Variants in DNAH14 observed in about 807,000 individuals in gnomAD.
DNAH14 encodes dynein axonemal heavy chain 14.
DNAH14 carries 478 observed loss-of-function variants against 520.9 expected under a neutral mutation model. The observed-to-expected ratio is 0.92, with a 90% CI of 0.85 to 0.99. DNAH14 has a LOEUF of 0.99. DNAH14 is among the 50% of genes least tolerant of loss of function. The pLI, the probability that DNAH14 is intolerant of heterozygous loss-of-function variation, is 0.00. For missense variants in DNAH14, 4,831 were observed against 5,234.5 expected (o/e 0.92, Z 2.38); for synonymous variants, 1,581 against 1,757.2 (o/e 0.90, Z 2.51).
At chr1:225,236,622 G>T (rs892081593) in intron 42 of DNAH14, among the ~76,000 whole-genome samples, 6 of 151,974 alleles carry the variant, frequency 3.9e-5, no homozygotes, top group South Asian at 4.1e-4. Flanking sequence ...GTCAGTGGGG[G>T]TGTTATCTGG....
At chr1:225,363,263 C>T (rs1449543562) in intron 75 of DNAH14, among the ~76,000 whole-genome samples, 1 of 152,058 alleles carries the variant, frequency 6.6e-6, no homozygotes, top group African/African-American at 2.4e-5. Flanking sequence ...TGATTATTTA[C>T]TCATGTTTAG....
At chr1:225,141,895 T>A (rs1442085241) in intron 28 of DNAH14, among the ~76,000 whole-genome samples, 1 of 152,172 alleles carries the variant, frequency 6.6e-6, no homozygotes, top group Non-Finnish European at 1.5e-5. Context: ...CAAGCTCTGA[T>A]AATAAATGTA....
At chr1:225,059,681 T>A (rs1050453201) in intron 17 of DNAH14, among the ~76,000 whole-genome samples, 8 of 152,186 alleles carry the variant, frequency 5.3e-5, no homozygotes, top group Non-Finnish European at 8.8e-5. Flanking sequence ...TTCCTTTCCA[T>A]GTTTAGTGCT....
chr1:225,185,993 G>A (rs78259950), intron 37 of DNAH14, among the ~76,000 whole-genome samples: 3,646 of 69,184 alleles, frequency 0.053, 155 homozygotes, highest in African/African-American at 0.15. Context: ...ATTATTTTCA[G>A]CATCTATTTT....
Position 225,095,196 on chromosome 1 carries a change from C to T in DNAH14, c.3574-1922C>T, listed in dbSNP as rs577873865. Among the ~76,000 whole-genome samples the T allele has an allele frequency of 5.3e-5, 8 of 152,232 alleles. No individual in the cohort carries two copies. In the South Asian group the frequency reaches 1.0e-3, roughly 20 times the overall value. On this transcript the variant is annotated intron_variant, in intron 21 of 85. Transcript: ENST00000682510. ...TTGTTCTATCATAAAGACACATGCA[C>T]GCTTATGTTCATCACAGCACTATTC...
chr1:224,976,197 A>G (rs2061828497), intron 8 of DNAH14, among the ~76,000 whole-genome samples: 1 of 152,166 alleles, frequency 6.6e-6, no homozygotes, highest in Non-Finnish European at 1.5e-5. Context: ...AAAAATGTAT[A>G]TTCTGTTGAT....
At chr1:225,277,346 C>A in intron 53 of DNAH14, 64 bp from the exon 54 acceptor site, 1 of 428,216 alleles carries the variant, frequency 2.3e-6, no homozygotes, top group South Asian at 1.7e-5. Context: ...GTATGTAAAA[C>A]CACAATGCAC....
At chr1:224,961,620 A>G (rs2060850875) in intron 4 of DNAH14, among the ~76,000 whole-genome samples, 1 of 152,096 alleles carries the variant, frequency 6.6e-6, no homozygotes, top group Non-Finnish European at 1.5e-5. Context: ...ACTCATTATC[A>G]TGAGAACAAC....
Position 225,334,884 on chromosome 1 carries a change from A to ATGTG in DNAH14, c.10080+1400_10080+1403dup, listed in dbSNP as rs1218533136. Among the ~76,000 whole-genome samples, 410 of 143,238 alleles carry ATGTG rather than the reference A, an allele frequency of 2.9e-3. 1 individual carries two copies. Among genetic ancestry groups the ATGTG allele is most frequent in the African/African-American group, 8.7e-3 (342 of 39,140 alleles). 94.0% of individuals were successfully genotyped at this position (143,238 alleles called of 152,430 possible). A position where few individuals can be genotyped will look rare whatever the true frequency, so the allele number is the denominator to read the frequency against. On this transcript the variant is annotated intron_variant, in intron 66 of 85. Transcript: ENST00000682510. The stretch of plus-strand genomic sequence containing the variant: ...TCTCTGTCTCTCTCTCTACATATAT[A>ATGTG]TGTGTGTGTGTGTGTGTGTGTGTGT...
At chr1:225,270,697 A>C in intron 49 of DNAH14, 38 bp from the exon 50 acceptor site, 1 of 1,539,844 alleles carries the variant, frequency 6.5e-7, no homozygotes, top group South Asian at 1.2e-5. Flanking sequence ...CTTCCTACAG[A>C]TACATTCAGT....
intron 42 of DNAH14, among the ~76,000 whole-genome samples, chr1:225,239,817 T>C (rs766049537): frequency 7.2e-5 from 11 of 152,248 alleles, no homozygotes; most frequent in Non-Finnish European, 1.2e-4. Flanking sequence ...GAACTGTACA[T>C]TAATGATTGC....
chr1:225,174,276 G>A (rs1480984068), intron 36 of DNAH14, among the ~76,000 whole-genome samples: 1 of 147,632 alleles, frequency 6.8e-6, no homozygotes, highest in Non-Finnish European at 1.5e-5. Context: ...TTTAAAAAAA[G>A]TTAAAAGAAA....
chr1:225,346,750 T>A, intron 71 of DNAH14, 96 bp downstream of exon 71: 1 of 937,942 alleles, frequency 1.1e-6, no homozygotes, highest in Non-Finnish European at 1.5e-6. Context: ...TATAATTGAT[T>A]AAAGTAAAAG....
intron 5 of DNAH14, among the ~76,000 whole-genome samples, chr1:224,965,809 G>A (rs1460573228): frequency 6.6e-6 from 1 of 152,050 alleles, no homozygotes; most frequent in East Asian, 1.9e-4. Flanking sequence ...ATGCCATGGT[G>A]CCTGGCAGGT....
chr1:225,374,350 A>G (rs1407918226), intron 77 of DNAH14, among the ~76,000 whole-genome samples: 2 of 146,972 alleles, frequency 1.4e-5, no homozygotes, highest in East Asian at 4.1e-4. Flanking sequence ...TGATCCCCGC[A>G]CCCTGGGTTC....
rs909092945 is a variant in DNAH14 at position 225,360,680 on chromosome 1, G to A, written c.11777-1G>A. On this transcript the variant is annotated splice_acceptor_variant, in intron 74 of 85. Transcript: ENST00000682510. LOFTEE classifies it high-confidence loss of function. ...ATATACCTCTCCACGTTGTTATACA[G>A]GGATCGACCTTACCAATATCCTCCT... 6.4e-7 allele frequency: 1 copy of A among 1,551,248 alleles called. No homozygotes were observed. The highest frequency in any genetic ancestry group is 2.0e-5 in the Admixed American group (1 of 50,976).
Position 225,367,917 on chromosome 1 carries a change from G to A in DNAH14, c.12203G>A (p.Trp4068Ter), listed in dbSNP as rs1330772635. The A allele has an allele frequency of 3.9e-6, 6 of 1,551,540 alleles. No individual in the cohort carries two copies. The East Asian group carries it at 1.5e-4, about 38-fold the overall frequency. The change falls in exon 77 of 86, where the codon TGG becomes TAG. Residue 4068 changes from tryptophan to a stop codon, truncating the protein, a stop_gained. Coordinates refer to ENST00000682510, the MANE Select transcript of DNAH14 (RefSeq NM_001367479.1). LOFTEE classifies it high-confidence loss of function. ...EIFENPDCGQ[W>*]WKKLLFSLCF... ...TTTGAAAATCCTGACTGTGGACAAT[G>A]GTGGAAAAAACTTTTATTTAGCCTA...
At chr1:225,226,112 C>T (rs1389473378) in intron 41 of DNAH14, among the ~76,000 whole-genome samples, 1 of 152,204 alleles carries the variant, frequency 6.6e-6, no homozygotes, top group Admixed American at 6.5e-5. Context: ...ACTCTGCCTG[C>T]AACCCGCAAC....
intron 74 of DNAH14, among the ~76,000 whole-genome samples, chr1:225,359,329 AT>A (rs1558514172): frequency 2.6e-5 from 4 of 152,200 alleles, no homozygotes; most frequent in African/African-American, 9.6e-5. Flanking sequence ...ACTCGCCCTT[AT>A]GTCTATGTCT....
Sources: gnomAD v4.1 joint callset for allele counts (sites outside exome capture counted in the v4.1 genomes callset) on GRCh38, gnomAD v4.1.1 for gene constraint, MANE v1.5 for transcripts, NCBI Gene and HGNC (gene_info 2026-07-23, HGNC 2026-07-21) for gene names.